DYNC1I1: variants seen among roughly 807,000 people sequenced by gnomAD.
DYNC1I1 encodes dynein cytoplasmic 1 intermediate chain 1, also known as cytoplasmic dynein 1 intermediate chain 1.
DYNC1I1 carries 43 observed loss-of-function variants against 86.6 expected under a neutral mutation model. The ratio of observed to expected loss-of-function variants is 0.50; its 90% confidence interval spans 0.39 to 0.64. The LOEUF is 0.64. Ranked by LOEUF, DYNC1I1 falls within the 30% of genes least tolerant of loss-of-function variation. The pLI, the probability that DYNC1I1 is intolerant of heterozygous loss-of-function variation, is 0.00. For synonymous variants in DYNC1I1, 262 were observed against 283.7 expected (o/e 0.92, Z 0.77); for missense variants, 604 against 788.8 (o/e 0.77, Z 2.81).
At chr7:96,066,742 A>G (rs1246469054) in intron 14 of DYNC1I1, among the ~76,000 whole-genome samples, 1 of 152,144 alleles carries the variant, frequency 6.6e-6, no homozygotes, top group Non-Finnish European at 1.5e-5. Context: ...TTTGCAGTAT[A>G]TTTAACTTGT....
chr7:95,855,340 A>G (rs1453563767), intron 5 of DYNC1I1, among the ~76,000 whole-genome samples: 2 of 151,938 alleles, frequency 1.3e-5, no homozygotes, highest in Non-Finnish European at 2.9e-5. Context: ...ATTATGTGTT[A>G]TTTGCTTCCC....
chr7:95,776,782 C>T (rs529272149), intron 1 of DYNC1I1, among the ~76,000 whole-genome samples: 4 of 152,182 alleles, frequency 2.6e-5, no homozygotes, highest in Non-Finnish European at 5.9e-5. Context: ...GGCCTCCAGG[C>T]GTGGCAGGCA....
chr7:95,956,383 T>C (rs1315939007), intron 6 of DYNC1I1, among the ~76,000 whole-genome samples: 1 of 113,086 alleles, frequency 8.8e-6, no homozygotes, highest in Non-Finnish European at 1.6e-5. Flanking sequence ...TTTTTCTCTT[T>C]TTTTTTTTTT....
intron 6 of DYNC1I1, among the ~76,000 whole-genome samples, chr7:95,972,120 G>T (rs971312157): frequency 6.6e-5 from 10 of 152,112 alleles, no homozygotes; most frequent in African/African-American, 2.4e-4. Context: ...TGTCGTTGAG[G>T]GTTCTGGTTG....
chr7:95,977,476 A>G (rs376550986), intron 6 of DYNC1I1, 36 bp from the exon 7 acceptor site: 4 of 1,597,148 alleles, frequency 2.5e-6, no homozygotes, highest in Non-Finnish European at 3.4e-6. Context: ...ATTTGGAGGA[A>G]AGAAAATATT....
chr7:95,936,056 G>A (rs553155665), intron 6 of DYNC1I1, among the ~76,000 whole-genome samples: 1 of 152,076 alleles, frequency 6.6e-6, no homozygotes, highest in South Asian at 2.1e-4. Flanking sequence ...AGTCAGATGT[G>A]ACCTCACGTA....
intron 6 of DYNC1I1, among the ~76,000 whole-genome samples, chr7:95,959,987 C>T (rs1381644974): frequency 6.6e-6 from 1 of 152,148 alleles, no homozygotes; most frequent in African/African-American, 2.4e-5. Flanking sequence ...TTCCCCTAAG[C>T]GGACTTGTGC....
chr7:96,008,746 T>C (rs1794201821), intron 10 of DYNC1I1, among the ~76,000 whole-genome samples: 1 of 152,118 alleles, frequency 6.6e-6, no homozygotes, highest in African/African-American at 2.4e-5. Context: ...TGACTAAAGG[T>C]TAAGAATATT....
intron 1 of DYNC1I1, among the ~76,000 whole-genome samples, chr7:95,790,370 C>T (rs1164711667): frequency 2.6e-5 from 4 of 152,194 alleles, no homozygotes; most frequent in Non-Finnish European, 5.9e-5. Flanking sequence ...TTACTTGTCC[C>T]ACAAACTGGT....
At chr7:95,897,393 G>GC (rs1790910157) in intron 6 of DYNC1I1, among the ~76,000 whole-genome samples, 1 of 151,714 alleles carries the variant, frequency 6.6e-6, no homozygotes, top group South Asian at 2.1e-4. Context: ...CTCTCTCCCT[G>GC]CCCCCCAGAC....
chr7:96,023,905 C>G lies in DYNC1I1; in HGVS notation c.970-4270C>G, dbSNP rs552420575. Among the ~76,000 whole-genome samples the G allele has an allele frequency of 2.6e-5, 4 of 152,264 alleles. No individual in the cohort carries two copies. In the South Asian group the frequency reaches 8.3e-4, roughly 32 times the overall value. Reference sequence around the variant, plus strand: ...TGGCTTGGTCTTCGAAATATAGTCTCAAAATTTTGCTTGTCCGAACTTGGG... The same window carrying G: ...TGGCTTGGTCTTCGAAATATAGTCTGAAAATTTTGCTTGTCCGAACTTGGG... On this transcript the variant is annotated intron_variant, in intron 10 of 16. Transcript: ENST00000447467.
chr7:95,845,483 A>G (rs1789401207), intron 5 of DYNC1I1, among the ~76,000 whole-genome samples: 1 of 152,190 alleles, frequency 6.6e-6, no homozygotes, highest in African/African-American at 2.4e-5. Flanking sequence ...GCTTTGTCAA[A>G]TATTCGTATG....
At chr7:96,073,358 C>T (rs1276898703) in intron 14 of DYNC1I1, among the ~76,000 whole-genome samples, 1 of 152,052 alleles carries the variant, frequency 6.6e-6, no homozygotes, top group East Asian at 1.9e-4. Context: ...CAGTTATTTC[C>T]AGATACTTAA....
At chr7:95,991,101 A>G (rs1793719643) in intron 9 of DYNC1I1, among the ~76,000 whole-genome samples, 1 of 152,188 alleles carries the variant, frequency 6.6e-6, no homozygotes, top group Non-Finnish European at 1.5e-5. Context: ...CTGGTGCATA[A>G]GAAGTACTTG....
At chr7:96,083,150 TTC>T (rs1790573076) in intron 16 of DYNC1I1, among the ~76,000 whole-genome samples, 1 of 152,168 alleles carries the variant, frequency 6.6e-6, no homozygotes, top group South Asian at 2.1e-4. Context: ...TCTCTAGCCC[TTC>T]TCTGAATGAC....
Position 95,964,062 on chromosome 7 carries a change from T to C in DYNC1I1, c.491-13450T>C, listed in dbSNP as rs77185762. 7.0e-3 allele frequency among the ~76,000 whole-genome samples: 1,067 copies of C among 152,270 alleles called. 15 individuals carry two copies. Among genetic ancestry groups the C allele is most frequent in the African/African-American group, 0.024 (1,002 of 41,564 alleles). On this transcript the variant is annotated intron_variant, in intron 6 of 16. Coordinates refer to ENST00000447467, the MANE Select transcript of DYNC1I1 (RefSeq NM_001135556.2). ...GACGTTGAAACCAGGGGAAATAATTTAGCCTCAAATAGAGTTGTTAATGCC... is the reference window on the plus strand; with the variant it reads ...GACGTTGAAACCAGGGGAAATAATTCAGCCTCAAATAGAGTTGTTAATGCC...
chr7:95,853,668 AGGTCTATTT>A (rs1177317912), intron 5 of DYNC1I1, among the ~76,000 whole-genome samples: 2 of 152,186 alleles, frequency 1.3e-5, no homozygotes, highest in African/African-American at 4.8e-5. Flanking sequence ...TATGTCTGCT[AGGTCTATTT>A]GGTCTATTGT....
At chr7:95,835,801 C>CT (rs1562914247) in intron 5 of DYNC1I1, among the ~76,000 whole-genome samples, 2 of 151,488 alleles carry the variant, frequency 1.3e-5, no homozygotes, top group East Asian at 3.9e-4. Context: ...CAACCCCTGC[C>CT]TTTTTTTGTT....
chr7:95,808,864 G>C (rs1288138626), intron 2 of DYNC1I1, among the ~76,000 whole-genome samples: 1 of 152,018 alleles, frequency 6.6e-6, no homozygotes, highest in Non-Finnish European at 1.5e-5. Context: ...TTAAAACATA[G>C]TAGGATTCTG....
Sources: allele counts gnomAD v4.1 joint callset (sites outside exome capture counted in the v4.1 genomes callset), GRCh38; gene constraint gnomAD v4.1.1; transcripts MANE v1.5; gene names NCBI Gene and HGNC (gene_info 2026-07-23, HGNC 2026-07-21).